THSD7A: variants seen among roughly 807,000 people sequenced by gnomAD.
The protein encoded by THSD7A is thrombospondin type-1 domain-containing protein 7A.
In THSD7A, 96 loss-of-function variants were observed where a neutral mutation model predicts 231.3. That is an observed-to-expected ratio of 0.41 (90% CI 0.35 to 0.49). The LOEUF (loss-of-function observed/expected upper bound fraction) is 0.49. Among genes scored for constraint, THSD7A ranks in the 20% least tolerant of loss-of-function variants. THSD7A has a pLI of 0.05. For missense variants in THSD7A, 2,290 were observed against 2,070.2 expected, an observed-to-expected ratio of 1.11 and a Z score of -2.06; for synonymous variants, 940 against 743.3, an observed-to-expected ratio of 1.26 and a Z score of -4.30.
At chr7:11,803,533 A>C (rs1338891298) in intron 1 of THSD7A, among the ~76,000 whole-genome samples, 1 of 152,112 alleles carries the variant, frequency 6.6e-6, no homozygotes, top group Admixed American at 6.6e-5. Flanking sequence ...AGAAAAGGAG[A>C]AAGAAATACT....
chr7:11,419,706 A>G (rs1217185969), intron 16 of THSD7A, among the ~76,000 whole-genome samples: 1 of 152,234 alleles, frequency 6.6e-6, no homozygotes, highest in Admixed American at 6.5e-5. Flanking sequence ...AGAAGACAGG[A>G]AGATGACGGA....
chr7:11,375,979 A>C lies in THSD7A; in HGVS notation c.4890-101T>G, dbSNP rs1583627940. 2.7e-6 allele frequency: 3 copies of C among 1,098,478 alleles called. No homozygotes were observed. In the African/African-American group the frequency reaches 4.7e-5, roughly 17 times the overall value. 68.0% of individuals were successfully genotyped at this position (1,098,478 alleles called of 1,614,324 possible). A position where few individuals can be genotyped will look rare whatever the true frequency, so the allele number is the denominator to read the frequency against. ...AGTAAAAGCAAATTGATAAACTGAA[A>C]TTGCCTCGTTGCCTGCGTTGCCTAA... On this transcript the variant is annotated intron_variant, in intron 27 of 27. Coordinates refer to ENST00000423059, the MANE Select transcript of THSD7A (RefSeq NM_015204.3).
intron 2 of THSD7A, among the ~76,000 whole-genome samples, chr7:11,606,967 C>G (rs1042756319): frequency 1.3e-5 from 2 of 151,638 alleles, no homozygotes; most frequent in Admixed American, 6.6e-5. Flanking sequence ...TGTAACAAAC[C>G]TGCATGTTGT....
chr7:11,556,697 T>C (rs1328006299), intron 4 of THSD7A, among the ~76,000 whole-genome samples: 2 of 151,956 alleles, frequency 1.3e-5, no homozygotes, highest in East Asian at 1.9e-4. Flanking sequence ...ATTAAGAATG[T>C]CATTATTTTT....
At chr7:11,725,796 G>A (rs1012487221) in intron 1 of THSD7A, among the ~76,000 whole-genome samples, 1 of 151,782 alleles carries the variant, frequency 6.6e-6, no homozygotes, top group Non-Finnish European at 1.5e-5. Flanking sequence ...GAACCAAACT[G>A]TAGATTCAGT....
intron 1 of THSD7A, among the ~76,000 whole-genome samples, chr7:11,791,500 T>C (rs913895720): frequency 1.3e-5 from 2 of 152,008 alleles, no homozygotes; most frequent in Admixed American, 6.6e-5. Context: ...CAAAGTTTAG[T>C]TGATCATCAT....
At chr7:11,748,632 G>C (rs1007429261) in intron 1 of THSD7A, among the ~76,000 whole-genome samples, 3 of 151,908 alleles carry the variant, frequency 2.0e-5, no homozygotes, top group African/African-American at 7.2e-5. Flanking sequence ...GATTATTAAA[G>C]CTATAAACTT....
chr7:11,655,487 A>C (rs1312595786), intron 1 of THSD7A, among the ~76,000 whole-genome samples: 1 of 151,834 alleles, frequency 6.6e-6, no homozygotes, highest in Non-Finnish European at 1.5e-5. Context: ...TTCAACTCCT[A>C]AAAACCTCCA....
intron 1 of THSD7A, among the ~76,000 whole-genome samples, chr7:11,716,908 G>A (rs1461246911): frequency 6.6e-6 from 1 of 151,382 alleles, no homozygotes; most frequent in Non-Finnish European, 1.5e-5. Flanking sequence ...GAAAACAAAA[G>A]CACAAAAATA....
intron 4 of THSD7A, among the ~76,000 whole-genome samples, chr7:11,547,555 C>T (rs771050904): frequency 5.3e-5 from 8 of 152,188 alleles, no homozygotes; most frequent in African/African-American, 1.9e-4. Context: ...ACATTCTTCT[C>T]ATCTGTGCAC....
chr7:11,671,693 A>C (rs1783402195), intron 1 of THSD7A, among the ~76,000 whole-genome samples: 1 of 152,172 alleles, frequency 6.6e-6, no homozygotes, highest in African/African-American at 2.4e-5. Flanking sequence ...CATATACAGA[A>C]GTTTCAATTA....
At chr7:11,478,988 G>C (rs1269916457) in intron 7 of THSD7A, among the ~76,000 whole-genome samples, 1 of 152,132 alleles carries the variant, frequency 6.6e-6, no homozygotes, top group Non-Finnish European at 1.5e-5. Flanking sequence ...GAATTTACTT[G>C]CTGATGCTTA....
At chr7:11,449,011 G>A (rs1180798774) in intron 11 of THSD7A, among the ~76,000 whole-genome samples, 2 of 152,050 alleles carry the variant, frequency 1.3e-5, no homozygotes, top group Non-Finnish European at 2.9e-5. Flanking sequence ...CTACCCCCTT[G>A]AGGGAGGACA....
intron 4 of THSD7A, among the ~76,000 whole-genome samples, chr7:11,588,210 C>T (rs1341366813): frequency 6.6e-6 from 1 of 152,156 alleles, no homozygotes; most frequent in African/African-American, 2.4e-5. Context: ...GTTCTCCATT[C>T]ACACATATTT....
chr7:11,382,924 TTATA>T (rs140393382), intron 23 of THSD7A, among the ~76,000 whole-genome samples: 14 of 147,410 alleles, frequency 9.5e-5, no homozygotes, highest in African/African-American at 2.5e-4. Context: ...ATATATATAG[TTATA>T]TATATATATA....
chr7:11,616,048 G>A (rs934822563), intron 2 of THSD7A, among the ~76,000 whole-genome samples: 3 of 152,022 alleles, frequency 2.0e-5, no homozygotes, highest in Non-Finnish European at 2.9e-5. Context: ...TATTACTAAT[G>A]TCATAGTGCT....
rs576283698 is a variant in THSD7A, at chr7:11,723,158, G to A, written c.191-86197C>T. ...ATACTATGCAGCCATAAAAAATGAT[G>A]AGTTCATGCCCTTTGTAGGGACATG... is the stretch of plus-strand genomic sequence containing the variant. On this transcript the variant is annotated intron_variant, in intron 1 of 27. Transcript: ENST00000423059. Among the ~76,000 whole-genome samples the A allele has an allele frequency of 1.9e-3, 296 of 152,090 alleles. 4 individuals are homozygous for A. Among genetic ancestry groups the A allele is most frequent in the Non-Finnish European group, 7.9e-4 (54 of 67,994 alleles).
intron 19 of THSD7A, among the ~76,000 whole-genome samples, chr7:11,410,943 A>C (rs774277984): frequency 6.6e-6 from 1 of 151,944 alleles, no homozygotes; most frequent in Non-Finnish European, 1.5e-5. Flanking sequence ...TATTCACCTT[A>C]CGTATTGTTC....
chr7:11,731,428 CT>C (rs1781727807), intron 1 of THSD7A, among the ~76,000 whole-genome samples: 1 of 151,490 alleles, frequency 6.6e-6, no homozygotes, highest in African/African-American at 2.4e-5. Context: ...AATAGATATG[CT>C]TATTTATAAG....
Sources: allele counts gnomAD v4.1 joint callset (sites outside exome capture counted in the v4.1 genomes callset), GRCh38; gene constraint gnomAD v4.1.1; transcripts MANE v1.5; gene names NCBI Gene and HGNC (gene_info 2026-07-23, HGNC 2026-07-21).